Variants in IGFL4 observed in about 807,000 individuals in gnomAD.
IGFL4 encodes IGF like family member 4.
IGFL4 carries 12 observed loss-of-function variants against 15.4 expected under a neutral mutation model. The observed-to-expected ratio is 0.78, with a 90% confidence interval of 0.50 to 1.26. The LOEUF (loss-of-function observed/expected upper bound fraction) is 1.26. IGFL4 is among the 50% of genes most tolerant of loss of function. The pLI is 0.00. For synonymous variants in IGFL4, 54 were observed against 55.9 expected (o/e 0.97, Z 0.16); for missense variants, 126 against 147.8 (o/e 0.85, Z 0.76).
At chr19:46,055,646 G>A (rs1349700550) in intron 2 of IGFL4, among the ~76,000 whole-genome samples, 2 of 152,112 alleles carry the variant, frequency 1.3e-5, no homozygotes, top group Admixed American at 6.5e-5. Context: ...CCTTATAAGT[G>A]GAAAGAGAGC....
intron 1 of IGFL4, among the ~76,000 whole-genome samples, chr19:46,076,613 A>G (rs1568718606): frequency 6.6e-6 from 1 of 150,798 alleles, no homozygotes; most frequent in Non-Finnish European, 1.5e-5. Context: ...GTCAAATTGT[A>G]TACATTTTCC....
At chr19:46,074,673 C>T (rs1969578500) in intron 1 of IGFL4, among the ~76,000 whole-genome samples, 1 of 152,146 alleles carries the variant, frequency 6.6e-6, no homozygotes, top group Non-Finnish European at 1.5e-5. Flanking sequence ...TCACATTTTT[C>T]TGTCTGCTTT....
chr19:46,069,042 C>T (rs747601263), intron 1 of IGFL4, among the ~76,000 whole-genome samples: 5 of 152,156 alleles, frequency 3.3e-5, no homozygotes, highest in Middle Eastern at 3.2e-3. Flanking sequence ...GGGCTGCTGG[C>T]AGTACGTGGG....
At chr19:46,073,954 C>G (rs907893192) in intron 1 of IGFL4, among the ~76,000 whole-genome samples, 1 of 151,718 alleles carries the variant, frequency 6.6e-6, no homozygotes, top group Non-Finnish European at 1.5e-5. Context: ...ATATTCTTTC[C>G]TTTCTTAGTA....
chr19:46,052,219 A>C (rs959409018), intron 2 of IGFL4, among the ~76,000 whole-genome samples: 13 of 152,244 alleles, frequency 8.5e-5, no homozygotes, highest in African/African-American at 2.4e-4. Flanking sequence ...GAATTAGCTT[A>C]GACCATAAGA....
chr19:46,041,057 T>G, upstream of IGFL4: 3 of 1,154,560 alleles, frequency 2.6e-6, no homozygotes, highest in Non-Finnish European at 3.6e-6. Context: ...CTTACCGCCA[T>G]TTAGGGAGGT....
At chr19:46,051,722 G>A (rs1209435236) in intron 2 of IGFL4, among the ~76,000 whole-genome samples, 2 of 152,080 alleles carry the variant, frequency 1.3e-5, no homozygotes, top group East Asian at 1.9e-4. Flanking sequence ...AACCAAGTGC[G>A]TGGCTGTCTT....
intron 1 of IGFL4, among the ~76,000 whole-genome samples, chr19:46,074,252 T>C (rs1969573417): frequency 6.6e-6 from 1 of 151,676 alleles, no homozygotes; most frequent in Non-Finnish European, 1.5e-5. Flanking sequence ...CAGGGTTGTC[T>C]AGAGGGACAG....
intron 1 of IGFL4, among the ~76,000 whole-genome samples, chr19:46,076,626 GT>G (rs200355880): frequency 0.014 from 2,066 of 149,110 alleles, 31 homozygotes; most frequent in Middle Eastern, 0.029. Context: ...CATTTTCCCG[GT>G]TAGTTTTATT....
At chr19:46,048,987 G>C (rs929672576) in intron 2 of IGFL4, among the ~76,000 whole-genome samples, 4 of 152,176 alleles carry the variant, frequency 2.6e-5, no homozygotes, top group Admixed American at 1.3e-4. Flanking sequence ...AAAGAACAAA[G>C]CCAGAGGCAT....
intron 1 of IGFL4, among the ~76,000 whole-genome samples, chr19:46,069,772 A>G (rs887609186): frequency 6.6e-6 from 1 of 152,240 alleles, no homozygotes; most frequent in African/African-American, 2.4e-5. Context: ...ATATTTGGGC[A>G]CTTTAATTAG....
intron 2 of IGFL4, among the ~76,000 whole-genome samples, chr19:46,046,827 C>T (rs1969301327): frequency 6.6e-6 from 1 of 152,232 alleles, no homozygotes; most frequent in African/African-American, 2.4e-5. Context: ...TTAACACCCA[C>T]TGTCAATATT....
chr19:46,075,359 CTG>C lies in IGFL4; in HGVS notation c.-432+1659_-432+1660del, dbSNP rs1374608811. ...TCCTGTCTCTTTAGCCTCCTCTTGA[CTG>C]TGACAGTTTCTCAGATTTTTCCTTG... On this transcript the variant is annotated intron_variant, in intron 1 of 5. Coordinates refer to the IGFL4 transcript ENST00000601672. Among the ~76,000 whole-genome samples the C allele has an allele frequency of 2.6e-5, 4 of 152,312 alleles. No homozygotes were observed. The South Asian group carries it at 6.2e-4, about 24-fold the overall frequency.
chr19:46,052,771 A>G (rs1037923348), intron 2 of IGFL4, among the ~76,000 whole-genome samples: 1 of 151,888 alleles, frequency 6.6e-6, no homozygotes, highest in African/African-American at 2.4e-5. Flanking sequence ...AGAAATATCA[A>G]TTGCTTTGCA....
At chr19:46,070,144 G>GT (rs1231609073) in intron 1 of IGFL4, among the ~76,000 whole-genome samples, 1 of 73,922 alleles carries the variant, frequency 1.4e-5, no homozygotes, top group Admixed American at 1.2e-4. Flanking sequence ...AAATCTCTAA[G>GT]ATTTTTTTTT....
chr19:46,040,105 C>G lies in IGFL4; in HGVS notation c.330+52G>C. 1 of 1,604,802 alleles carries G rather than the reference C, an allele frequency of 6.2e-7. No homozygotes were observed. The highest frequency in any genetic ancestry group is 1.1e-5 in the South Asian group (1 of 90,290). On this transcript the variant is annotated intron_variant, in intron 3 of 3. Coordinates refer to ENST00000377697, the MANE Select transcript of IGFL4 (RefSeq NM_001002923.3). This position sits in a 1 kb window ranked among gnomAD's most constrained non-coding sequence, Gnocchi z 4.1. ...TCTGGGTGGGACATGGACAACCAAG[C>G]TCCATTCCCTACTCCCCCCTCCCAC... is the stretch of plus-strand genomic sequence containing the variant.
Position 46,040,123 on chromosome 19 carries a change from C to G in IGFL4, c.330+34G>C, listed in dbSNP as rs183541426. On this transcript the variant is annotated intron_variant, in intron 3 of 3. Coordinates refer to ENST00000377697, the MANE Select transcript of IGFL4 (RefSeq NM_001002923.3). The surrounding 1 kb of genome is among the most constrained non-coding windows in gnomAD (Gnocchi z 4.1). ...AACCAAGCTCCATTCCCTACTCCCC[C>G]CTCCCACAGCCTGGACTGGAGTCAG... 31 of 1,610,090 alleles carry G rather than the reference C, an allele frequency of 1.9e-5. No individual in the cohort carries two copies. The highest frequency in any genetic ancestry group is 7.7e-5 in the South Asian group (7 of 90,820).
At chr19:46,074,195 G>A (rs1012795500) in intron 1 of IGFL4, among the ~76,000 whole-genome samples, 4 of 151,644 alleles carry the variant, frequency 2.6e-5, no homozygotes, top group African/African-American at 7.3e-5. Context: ...TCATATTAGT[G>A]CCTCCACAGG....
At chr19:46,058,261 G>GC (rs2146520991) in intron 2 of IGFL4, 1 of 152,356 alleles carries the variant, frequency 6.6e-6, no homozygotes, top group African/African-American at 2.4e-5. Flanking sequence ...GGGGCTACAG[G>GC]CCCCATGCAA....
Sources: allele counts gnomAD v4.1 joint callset (sites outside exome capture counted in the v4.1 genomes callset), GRCh38; gene constraint gnomAD v4.1.1; non-coding constraint Gnocchi (gnomAD v3.1); transcripts MANE v1.5; gene names NCBI Gene and HGNC (gene_info 2026-07-23, HGNC 2026-07-21).